Variants in POC1A observed in about 807,000 individuals in gnomAD.
POC1A encodes the protein POC1 centriolar protein A.
A neutral mutation model predicts 47.8 loss-of-function variants in POC1A; 34 were observed. That is an observed-to-expected ratio of 0.71 (90% CI 0.54 to 0.95). The LOEUF (loss-of-function observed/expected upper bound fraction) is 0.95. Ranked by LOEUF, POC1A falls within the 40% of genes least tolerant of loss-of-function variation. The pLI is 0.00. For synonymous variants in POC1A, 177 were observed against 207.6 expected, an observed-to-expected ratio of 0.85 and a Z score of 1.27; for missense variants, 466 against 528.3, an observed-to-expected ratio of 0.88 and a Z score of 1.16.
intron 10 of POC1A, among the ~76,000 whole-genome samples, chr3:52,091,267 G>C (rs866727747): frequency 1.1e-4 from 16 of 152,096 alleles, no homozygotes; most frequent in Admixed American, 1.3e-4. Context: ...CTCGCAGCAT[G>C]TGACGCCCAC....
chr3:52,141,444 T>C (rs1698191275), intron 6 of POC1A, among the ~76,000 whole-genome samples: 1 of 152,224 alleles, frequency 6.6e-6, no homozygotes, highest in Non-Finnish European at 1.5e-5. Flanking sequence ...GCGCAACTGA[T>C]GTTACTAGTG....
intron 6 of POC1A, 104 bp downstream of exon 6, chr3:52,145,742 G>T: frequency 1.4e-6 from 1 of 696,696 alleles, no homozygotes. Flanking sequence ...TCCTGCCCAA[G>T]GCCATCTCAG....
intron 6 of POC1A, among the ~76,000 whole-genome samples, chr3:52,144,297 GA>G (rs1230124340): frequency 2.6e-5 from 4 of 152,198 alleles, no homozygotes; most frequent in African/African-American, 7.2e-5. Context: ...GCCCAGAGCA[GA>G]AGGCTGAAGG....
rs376450639 is a variant in POC1A, at chr3:52,139,112, G to A, written c.680-810C>T. Among the ~76,000 whole-genome samples the A allele has an allele frequency of 3.9e-5, 6 of 152,280 alleles. No homozygotes were observed. In the East Asian group the frequency reaches 9.7e-4, roughly 24 times the overall value. On this transcript the variant is annotated intron_variant, in intron 6 of 10. Coordinates refer to ENST00000296484, the MANE Select transcript of POC1A (RefSeq NM_015426.5). ...CTCTCAAGGTGCTGAGATTACAGCC[G>A]TGAGCCACCACATCCATCCTGAGCA...
chr3:52,140,117 C>T (rs1402983269), intron 6 of POC1A, among the ~76,000 whole-genome samples: 5 of 152,220 alleles, frequency 3.3e-5, no homozygotes, highest in African/African-American at 1.2e-4. Flanking sequence ...CAACACGAAA[C>T]GGCCCTCAAC....
intron 2 of POC1A, 94 bp from the exon 3 acceptor site, chr3:52,150,081 C>G: frequency 1.0e-6 from 1 of 998,724 alleles, no homozygotes. Context: ...ACTGGCCCAG[C>G]TCCATCTTCC....
chr3:52,141,707 G>A (rs1019178739), intron 6 of POC1A, among the ~76,000 whole-genome samples: 4 of 152,098 alleles, frequency 2.6e-5, no homozygotes, highest in East Asian at 1.9e-4. Flanking sequence ...AAAACCCTCC[G>A]GCCGGGCATG....
chr3:52,083,805 C>CT (rs1417048082), intron 10 of POC1A, among the ~76,000 whole-genome samples: 1 of 152,218 alleles, frequency 6.6e-6, no homozygotes, highest in Non-Finnish European at 1.5e-5. Context: ...AGCATCAACT[C>CT]TGACAGGAAG....
chr3:52,140,268 C>A (rs1405905268), intron 6 of POC1A, among the ~76,000 whole-genome samples: 1 of 152,180 alleles, frequency 6.6e-6, no homozygotes, highest in Non-Finnish European at 1.5e-5. Flanking sequence ...TATATCTCAA[C>A]AACACCCTCC....
chr3:52,133,802 G>T (rs576204216), intron 7 of POC1A, among the ~76,000 whole-genome samples: 23 of 152,210 alleles, frequency 1.5e-4, no homozygotes, highest in African/African-American at 5.3e-4. Context: ...CCTGGCACCC[G>T]CAGAGCCCCC....
At chr3:52,136,550 T>C (rs535569889) in intron 7 of POC1A, among the ~76,000 whole-genome samples, 13 of 152,164 alleles carry the variant, frequency 8.5e-5, no homozygotes, top group Non-Finnish European at 1.3e-4. Context: ...GATGGCAAAA[T>C]GAACAGAGGT....
At chr3:52,134,209 A>G (rs1704347268) in intron 7 of POC1A, among the ~76,000 whole-genome samples, 1 of 152,172 alleles carries the variant, frequency 6.6e-6, no homozygotes, top group Admixed American at 6.5e-5. Flanking sequence ...GGGGAAGGGG[A>G]GCCAGGGAAT....
At chr3:52,082,363 C>T (rs1217469851) in intron 10 of POC1A, among the ~76,000 whole-genome samples, 1 of 152,188 alleles carries the variant, frequency 6.6e-6, no homozygotes, top group Non-Finnish European at 1.5e-5. Flanking sequence ...GGTGACCCAA[C>T]AGGGAGGATG....
chr3:52,122,490 A>C lies in POC1A; in HGVS notation c.883-13T>G. The C allele has an allele frequency of 1.3e-6, 2 of 1,495,034 alleles. No homozygotes were observed. Among genetic ancestry groups the C allele is most frequent in the Non-Finnish European group, 1.9e-6 (2 of 1,071,302 alleles). The allele number at this position is 1,495,034 out of a possible 1,614,324, so 92.6% of individuals were successfully genotyped here. A position where few individuals can be genotyped will look rare whatever the true frequency, so the allele number is the denominator to read the frequency against. ...TCCAAACCATCACCTGCCAAAACCA[A>C]CAGGCACACCAAGTCAGGAGAAGAA... On this transcript the variant is annotated splice_polypyrimidine_tract_variant and intron_variant, in intron 8 of 10. Coordinates refer to ENST00000296484, the MANE Select transcript of POC1A (RefSeq NM_015426.5).
intron 5 of POC1A, 38 bp from the exon 6 acceptor site, chr3:52,145,999 T>C: frequency 7.7e-7 from 1 of 1,298,290 alleles, no homozygotes; most frequent in Non-Finnish European, 1.1e-6. Flanking sequence ...ATAGGAGGTC[T>C]GCCCTGGTTC....
intron 1 of POC1A, among the ~76,000 whole-genome samples, chr3:52,152,530 AG>A (rs1255602663): frequency 1.1e-4 from 16 of 152,308 alleles, no homozygotes; most frequent in African/African-American, 3.4e-4. Flanking sequence ...AGATTGCACC[AG>A]TGCACTCCAG....
intron 7 of POC1A, among the ~76,000 whole-genome samples, chr3:52,136,646 C>T (rs1235863570): frequency 6.6e-6 from 1 of 152,220 alleles, no homozygotes; most frequent in African/African-American, 2.4e-5. Flanking sequence ...CCTATCCACA[C>T]CCCAAACCAT....
intron 4 of POC1A, among the ~76,000 whole-genome samples, chr3:52,147,983 C>T (rs1049405949): frequency 2.6e-5 from 4 of 152,120 alleles, no homozygotes; most frequent in African/African-American, 9.7e-5. Flanking sequence ...AAAAAAGGTG[C>T]CTGCCTCACG....
At position 52,075,538 on chromosome 3, in the gene POC1A, T is replaced by G; in HGVS notation, c.*349A>C. 1.0e-5 allele frequency: 2 copies of G among 197,808 alleles called. No individual in the cohort carries two copies. The highest frequency in any genetic ancestry group is 1.1e-4 in the East Asian group (1 of 9,254). 12.3% of individuals were successfully genotyped at this position (197,808 alleles called of 1,614,324 possible). On this transcript the variant is annotated 3_prime_UTR_variant, in exon 11 of 11. Coordinates refer to ENST00000296484, the MANE Select transcript of POC1A (RefSeq NM_015426.5). ...CACATGTCCAAATGATGAGTGAAAA[T>G]CAAGGCATCGTGGAGCCACCTCCTC... is the stretch of plus-strand genomic sequence containing the variant.
Sources: allele counts gnomAD v4.1 joint callset (sites outside exome capture counted in the v4.1 genomes callset), GRCh38; gene constraint gnomAD v4.1.1; transcripts MANE v1.5; gene names NCBI Gene and HGNC (gene_info 2026-07-23, HGNC 2026-07-21).